The following GALNT14 variants were observed in gnomAD, a reference collection of about 807,000 sequenced individuals.
GALNT14 encodes the protein polypeptide N-acetylgalactosaminyltransferase 14.
In GALNT14, 60 loss-of-function variants were observed where a neutral mutation model predicts 77.5. The observed-to-expected ratio is 0.77, with a 90% confidence interval of 0.63 to 0.96. The LOEUF (loss-of-function observed/expected upper bound fraction) is 0.96, where lower values mean the gene tolerates loss of function less well. Among genes scored for constraint, GALNT14 ranks in the 40% least tolerant of loss-of-function variants. The pLI is 0.00. For missense variants in GALNT14, 710 were observed against 731.0 expected (o/e 0.97, Z 0.33); for synonymous variants, 280 against 281.7 (o/e 0.99, Z 0.06).
At chr2:30,905,151 C>A in the GALNT14 span, among the ~76,000 whole-genome samples, 1 of 151,884 alleles carries the variant, frequency 6.6e-6, no homozygotes, top group South Asian at 2.1e-4. Flanking sequence ...AAAAGCAGAG[C>A]GCCTCTCCTC....
At chr2:31,042,871 A>G (rs971712194) in intron 1 of GALNT14, among the ~76,000 whole-genome samples, 2 of 152,190 alleles carry the variant, frequency 1.3e-5, no homozygotes, top group African/African-American at 4.8e-5. Flanking sequence ...GCAATACAAC[A>G]GTTAGAATGG....
intron 9 of GALNT14, among the ~76,000 whole-genome samples, chr2:30,936,607 G>C (rs952544799): frequency 6.6e-6 from 1 of 152,224 alleles, no homozygotes; most frequent in Non-Finnish European, 1.5e-5. Flanking sequence ...ATGTACAATG[G>C]GGAACCTTGC....
At chr2:31,006,922 A>G (rs778786720) in intron 1 of GALNT14, among the ~76,000 whole-genome samples, 12 of 152,202 alleles carry the variant, frequency 7.9e-5, no homozygotes, top group Non-Finnish European at 1.5e-4. Context: ...TAGTATGTAC[A>G]GCAAGGGCCC....
At position 30,966,187 on chromosome 2, in the gene GALNT14, A is replaced by G; in HGVS notation, c.398+17T>C. On this transcript the variant is annotated intron_variant, in intron 3 of 14. Transcript: ENST00000349752. ...GCTGGCCCAGAGCTGGCCAACAGAC[A>G]AGCAAGGATGCCTCACCTGCGGATG... is the stretch of plus-strand genomic sequence containing the variant. 6.2e-7 allele frequency: 1 copy of G among 1,609,726 alleles called. No homozygotes were observed. The highest frequency in any genetic ancestry group is 8.5e-7 in the Non-Finnish European group (1 of 1,176,180).
intron 1 of GALNT14, among the ~76,000 whole-genome samples, chr2:31,132,375 GC>G (rs1679038363): frequency 6.6e-6 from 1 of 152,154 alleles, no homozygotes; most frequent in Non-Finnish European, 1.5e-5. Flanking sequence ...ATCCCAACCT[GC>G]CATTTGCATA....
chr2:30,938,384 A>ACACTCT (rs1174119035), intron 9 of GALNT14, among the ~76,000 whole-genome samples: 55 of 141,778 alleles, frequency 3.9e-4, no homozygotes, highest in East Asian at 2.0e-3. Flanking sequence ...ACACACACAC[A>ACACTCT]CTCTCTCTCT....
At chr2:31,076,629 A>ATT (rs35108670) in intron 1 of GALNT14, among the ~76,000 whole-genome samples, 59 of 101,914 alleles carry the variant, frequency 5.8e-4, no homozygotes, top group South Asian at 1.6e-3. Flanking sequence ...ATATATATAT[A>ATT]TTTTTTTTTT....
At chr2:30,894,815 A>G in the GALNT14 span, among the ~76,000 whole-genome samples, 88 of 152,260 alleles carry the variant, frequency 5.8e-4, no homozygotes, top group Non-Finnish European at 1.0e-3. Context: ...CCATTCTTAG[A>G]TGGCCAGCCC....
chr2:30,984,771 C>T (rs1192525172), intron 2 of GALNT14, among the ~76,000 whole-genome samples: 1 of 152,188 alleles, frequency 6.6e-6, no homozygotes, highest in African/African-American at 2.4e-5. Flanking sequence ...GCCTCTGCCT[C>T]CCAGCCACGT....
chr2:31,059,100 T>C (rs928866352), intron 1 of GALNT14, among the ~76,000 whole-genome samples: 2 of 152,160 alleles, frequency 1.3e-5, no homozygotes, highest in Admixed American at 1.3e-4. Flanking sequence ...AGCACACAGA[T>C]AAAAGAAACA....
Position 30,912,231 on chromosome 2 carries a change from C to A in GALNT14, c.1492G>T (p.Asp498Tyr). The change falls in exon 14 of 15, where the codon GAC (aspartate) becomes TAC (tyrosine). Residue 498 changes from aspartate to tyrosine, a missense_variant. By Grantham distance (160) the Asp-to-Tyr change is radical. Coordinates refer to ENST00000349752, the MANE Select transcript of GALNT14 (RefSeq NM_024572.4). Reference sequence around the variant, plus strand: ...ACCTGCTGAGCACTTACCTGTCGGTCATCTCCATTCTTGCAAAGGACAAGA... The same window carrying A: ...ACCTGCTGAGCACTTACCTGTCGGTAATCTCCATTCTTGCAAAGGACAAGA... ...VVLVLCKNGD[D>Y]RQQWTKTGSH... 1.2e-6 allele frequency: 2 copies of A among 1,614,102 alleles called. No individual in the cohort carries two copies. Among genetic ancestry groups the A allele is most frequent in the South Asian group, 2.2e-5 (2 of 91,020 alleles).
intron 1 of GALNT14, among the ~76,000 whole-genome samples, chr2:31,055,588 G>C (rs901008788): frequency 1.3e-5 from 2 of 152,154 alleles, no homozygotes; most frequent in African/African-American, 4.8e-5. Flanking sequence ...ATCCAACTAG[G>C]GCACTGGGTC....
chr2:30,994,697 T>C (rs1005576316), intron 1 of GALNT14, among the ~76,000 whole-genome samples: 4 of 152,008 alleles, frequency 2.6e-5, no homozygotes, highest in African/African-American at 9.7e-5. Flanking sequence ...ACGGTAACCT[T>C]GAAATCCCAT....
At chr2:31,111,343 G>A (rs1463274252) in intron 1 of GALNT14, among the ~76,000 whole-genome samples, 1 of 152,226 alleles carries the variant, frequency 6.6e-6, no homozygotes, top group Admixed American at 6.5e-5. Context: ...CCAGGGCTTA[G>A]GCTTCGTTGC....
chr2:30,932,756 C>T (rs1665817509), intron 9 of GALNT14, among the ~76,000 whole-genome samples: 1 of 152,190 alleles, frequency 6.6e-6, no homozygotes, highest in East Asian at 1.9e-4. Flanking sequence ...GGCCTCAGGG[C>T]AAGGTGTCCA....
chr2:30,924,604 C>T, intron 12 of GALNT14, 136 bp downstream of exon 12: 1 of 679,626 alleles, frequency 1.5e-6, no homozygotes. Context: ...GTGAACGGAG[C>T]CAACTGGTCT....
intron 1 of GALNT14, 26 bp downstream of exon 1, chr2:31,137,919 AGCCACCGCTCAGC>A: frequency 1.3e-6 from 2 of 1,579,328 alleles, no homozygotes; most frequent in Non-Finnish European, 1.7e-6. Context: ...CCCTCCCGCA[AGCCACCGCTCAGC>A]GCCAGCGCGC....
At chr2:30,894,554 T>G in the GALNT14 span, among the ~76,000 whole-genome samples, 1 of 152,222 alleles carries the variant, frequency 6.6e-6, no homozygotes, top group African/African-American at 2.4e-5. Context: ...CACTTGTTTT[T>G]ACAGGAATTG....
intron 6 of GALNT14, among the ~76,000 whole-genome samples, chr2:30,955,061 G>T (rs1039552236): frequency 6.6e-6 from 1 of 152,160 alleles, no homozygotes; most frequent in African/African-American, 2.4e-5. Flanking sequence ...TCACTTTTTG[G>T]GGAGTAATTG....
Sources: gnomAD v4.1 joint callset for allele counts (sites outside exome capture counted in the v4.1 genomes callset) on GRCh38, gnomAD v4.1.1 for gene constraint, MANE v1.5 for transcripts, NCBI Gene and HGNC (gene_info 2026-07-23, HGNC 2026-07-21) for gene names.